The following SPATA16 variants were observed in gnomAD, a reference collection of about 807,000 sequenced individuals.
The protein encoded by SPATA16 is spermatogenesis associated 16.
In SPATA16, 36 loss-of-function variants were observed where a neutral mutation model predicts 63.3. The ratio of observed to expected loss-of-function variants is 0.57; its 90% CI spans 0.44 to 0.75. SPATA16 has a LOEUF of 0.75. SPATA16 is among the 30% of genes least tolerant of loss of function. The pLI, the probability that SPATA16 is intolerant of heterozygous loss-of-function variation, is 0.00. For missense variants in SPATA16, 646 were observed against 679.3 expected, an observed-to-expected ratio of 0.95 and a Z score of 0.54; for synonymous variants, 203 against 216.7, an observed-to-expected ratio of 0.94 and a Z score of 0.56.
chr3:173,027,726 A>T (rs75115453), intron 3 of SPATA16, among the ~76,000 whole-genome samples: 2,667 of 151,650 alleles, frequency 0.018, 76 homozygotes, highest in African/African-American at 0.06. Context: ...GGCCCAAGAG[A>T]GGTTTCTATC....
At chr3:172,916,270 T>C in intron 9 of SPATA16, 47 bp downstream of exon 9, 1 of 1,596,880 alleles carries the variant, frequency 6.3e-7, no homozygotes, top group Non-Finnish European at 8.6e-7. Context: ...ATCACTTTTC[T>C]GTTGGCTCTG....
rs1499639 is a variant in SPATA16 at position 172,945,458 on chromosome 3, C to T, written c.1081+11219G>A. ...AAAAAATTAGATGGACCATTATAGTCCTTGATTTTAACATCACATAAAGGA... is the reference window on the plus strand; with the variant it reads ...AAAAAATTAGATGGACCATTATAGTTCTTGATTTTAACATCACATAAAGGA... On this transcript the variant is annotated intron_variant, in intron 6 of 10. Transcript: ENST00000351008. Among the ~76,000 whole-genome samples the T allele has an allele frequency of 2.6e-5, 4 of 152,186 alleles. No individual in the cohort carries two copies. The East Asian group carries it at 7.7e-4, about 29-fold the overall frequency.
chr3:172,922,877 G>A (rs994222563), intron 8 of SPATA16, among the ~76,000 whole-genome samples: 6 of 152,048 alleles, frequency 3.9e-5, no homozygotes, highest in South Asian at 2.1e-4. Context: ...AGCCAAGACC[G>A]CACCACTGCA....
At chr3:173,139,985 AAAACAAACAAACAAAC>A (rs10606462) in intron 1 of SPATA16, among the ~76,000 whole-genome samples, 10 of 150,324 alleles carry the variant, frequency 6.7e-5, no homozygotes, top group African/African-American at 2.0e-4. Context: ...ACTCTGTCTC[AAAACAAACAAACAAAC>A]AAACAAACAA....
chr3:172,916,233 T>TC (rs1560065753), intron 9 of SPATA16, 84 bp downstream of exon 9: 3 of 1,259,600 alleles, frequency 2.4e-6, no homozygotes, highest in Non-Finnish European at 2.2e-6. Flanking sequence ...ACCACAGGAT[T>TC]TTTTTTTTTT....
intron 6 of SPATA16, among the ~76,000 whole-genome samples, chr3:172,952,066 T>C (rs1733446605): frequency 6.6e-6 from 1 of 152,190 alleles, no homozygotes; most frequent in South Asian, 2.1e-4. Context: ...TCTGGAAATA[T>C]TATCTTTCTG....
At chr3:173,115,568 C>G (rs910914711) in intron 2 of SPATA16, among the ~76,000 whole-genome samples, 1 of 152,094 alleles carries the variant, frequency 6.6e-6, no homozygotes, top group Non-Finnish European at 1.5e-5. Flanking sequence ...TAGAAGTTTA[C>G]GTAGTACATC....
chr3:173,029,406 G>GTTTTTTTTTTTTTTTT (rs57233262), intron 3 of SPATA16, among the ~76,000 whole-genome samples: 7 of 139,848 alleles, frequency 5.0e-5, no homozygotes, highest in African/African-American at 1.9e-4. Context: ...AGTAATCAGA[G>GTTTTTTTTTTTTTTTT]TTTTTTTTTT....
At chr3:172,925,606 G>C in intron 6 of SPATA16, 114 bp from the exon 7 acceptor site, 1 of 1,271,574 alleles carries the variant, frequency 7.9e-7, no homozygotes, top group South Asian at 1.3e-5. Context: ...CTATAAATGT[G>C]AAAGGTATGA....
At chr3:172,965,659 G>T (rs1733901334) in intron 5 of SPATA16, among the ~76,000 whole-genome samples, 2 of 151,570 alleles carry the variant, frequency 1.3e-5, no homozygotes, top group Admixed American at 1.3e-4. Context: ...TTGAGATGGA[G>T]TCTCGCTCTG....
At chr3:172,930,646 C>A (rs1330214444) in intron 6 of SPATA16, among the ~76,000 whole-genome samples, 1 of 151,058 alleles carries the variant, frequency 6.6e-6, no homozygotes, top group Non-Finnish European at 1.5e-5. Context: ...GCAAGCTCCA[C>A]CTCCTGGGTT....
chr3:172,987,390 G>GAGGTC (rs1734481523), intron 4 of SPATA16, among the ~76,000 whole-genome samples: 1 of 152,146 alleles, frequency 6.6e-6, no homozygotes, highest in Non-Finnish European at 1.5e-5. Flanking sequence ...TCCTACCAGT[G>GAGGTC]ACCTGTCTCC....
intron 2 of SPATA16, among the ~76,000 whole-genome samples, chr3:173,082,288 T>C (rs928853191): frequency 1.3e-5 from 2 of 152,196 alleles, no homozygotes; most frequent in Admixed American, 6.5e-5. Context: ...TTGACAAATA[T>C]ATCCTCAAAA....
intron 6 of SPATA16, among the ~76,000 whole-genome samples, chr3:172,944,078 T>C (rs1733224143): frequency 6.6e-6 from 1 of 152,102 alleles, no homozygotes; most frequent in African/African-American, 2.4e-5. Flanking sequence ...AGGCAACCTA[T>C]AGAATGGGAG....
intron 2 of SPATA16, 56 bp downstream of exon 2, chr3:173,117,064 C>A: frequency 6.4e-7 from 1 of 1,554,174 alleles, no homozygotes; most frequent in South Asian, 1.1e-5. Context: ...AATGTAATTG[C>A]AACTTTCCAT....
intron 2 of SPATA16, among the ~76,000 whole-genome samples, chr3:173,085,829 A>G (rs1401895569): frequency 2.0e-5 from 3 of 152,072 alleles, no homozygotes; most frequent in Non-Finnish European, 4.4e-5. Context: ...ATTGATTTGC[A>G]TATGTTGAAC....
chr3:173,003,246 A>C (rs1321477332), intron 4 of SPATA16, among the ~76,000 whole-genome samples: 1 of 152,198 alleles, frequency 6.6e-6, no homozygotes, highest in Non-Finnish European at 1.5e-5. Context: ...ACAAATGAGT[A>C]CTTTACAGAA....
intron 6 of SPATA16, among the ~76,000 whole-genome samples, chr3:172,928,955 A>G (rs1732801843): frequency 6.6e-6 from 1 of 152,178 alleles, no homozygotes; most frequent in South Asian, 2.1e-4. Context: ...CACTTACCAG[A>G]TGTTGAATCT....
intron 6 of SPATA16, among the ~76,000 whole-genome samples, chr3:172,952,225 G>A (rs2108231246): frequency 6.6e-6 from 1 of 152,270 alleles, no homozygotes; most frequent in South Asian, 2.1e-4. Context: ...TTATTTGATC[G>A]AGTTAGCAAG....
Sources: allele counts gnomAD v4.1 joint callset (sites outside exome capture counted in the v4.1 genomes callset), GRCh38; gene constraint gnomAD v4.1.1; transcripts MANE v1.5; gene names NCBI Gene and HGNC (gene_info 2026-07-23, HGNC 2026-07-21).